The following APC2 variants were observed in gnomAD, a reference collection of about 807,000 sequenced individuals.
The protein encoded by APC2 is APC regulator of Wnt signaling pathway 2, also known as adenomatous polyposis coli protein 2.
APC2 carries 41 observed loss-of-function variants against 72.5 expected under a neutral mutation model. The ratio of observed to expected loss-of-function variants is 0.57; its 90% confidence interval spans 0.44 to 0.73. APC2 has a LOEUF of 0.73. Among genes scored for constraint, APC2 ranks in the 30% least tolerant of loss-of-function variants. APC2 has a pLI of 0.00. For synonymous variants in APC2, 1,898 were observed against 1,612.0 expected, an observed-to-expected ratio of 1.18 and a Z score of -4.25; for missense variants, 3,729 against 3,403.4, an observed-to-expected ratio of 1.10 and a Z score of -2.38.
upstream of APC2, among the ~76,000 whole-genome samples, chr19:1,448,033 C>T (rs1021088516): frequency 6.6e-6 from 1 of 152,094 alleles, no homozygotes; most frequent in Non-Finnish European, 1.5e-5. Flanking sequence ...GACTGGAAAC[C>T]GAGGCCAGAG....
Position 1,470,466 on chromosome 19 carries a change from G to A in APC2, c.*253G>A. The A allele has an allele frequency of 7.6e-6, 4 of 524,866 alleles. No homozygotes were observed. The highest frequency in any genetic ancestry group is 9.6e-6 in the Non-Finnish European group (3 of 312,662). The allele number at this position is 524,866 out of a possible 1,614,324, so 32.5% of individuals were successfully genotyped here. On this transcript the variant is annotated 3_prime_UTR_variant, in exon 15 of 15. Coordinates refer to ENST00000590469, the MANE Select transcript of APC2 (RefSeq NM_005883.3). ...CCTCAAGTCCCGACCGTGGAGCGCTGGCAAGGGCGTCCTGGCCCAGCCCTG... is the reference window on the plus strand; with the variant it reads ...CCTCAAGTCCCGACCGTGGAGCGCTAGCAAGGGCGTCCTGGCCCAGCCCTG...
chr19:1,462,182 G>GCGGGGCC lies in APC2; in HGVS notation c.1853+6_1853+7insGGGGCCC. On this transcript the variant is annotated splice_donor_region_variant and intron_variant, in intron 14 of 14. Coordinates refer to ENST00000590469, the MANE Select transcript of APC2 (RefSeq NM_005883.3). The stretch of plus-strand genomic sequence containing the variant: ...CGCCACCCGTGAGGACTACAGGTCG[G>GCGGGGCC]CCCCCACCCCCCCACCCGCACACAG... The GCGGGGCC allele has an allele frequency of 6.5e-7, 1 of 1,535,380 alleles. No homozygotes were observed. Among genetic ancestry groups the GCGGGGCC allele is most frequent in the Non-Finnish European group, 8.8e-7 (1 of 1,139,592 alleles).
chr19:1,465,706 T>C lies in APC2; in HGVS notation c.2405T>C (p.Leu802Pro). 6.3e-7 allele frequency: 1 copy of C among 1,580,216 alleles called. No individual in the cohort carries two copies. The highest frequency in any genetic ancestry group is 1.1e-5 in the South Asian group (1 of 87,234). ...GGGGAGCCAGCCAGCCCTGCCGCGC[T>C]GTCCCTCTTCCTGGGCAGCCCCTTC... ...ATGEPASPAALSLFLGSPFLQ... is the reference protein window; with the variant it reads ...ATGEPASPAAPSLFLGSPFLQ... The change falls in exon 15 of 15, where the codon CTG becomes CCG. Residue 802 changes from leucine (L) to proline (P), a missense_variant. Transcript: ENST00000590469.
intron 4 of APC2, among the ~76,000 whole-genome samples, chr19:1,454,752 A>G (rs1048216698): frequency 1.6e-4 from 25 of 152,142 alleles, no homozygotes; most frequent in African/African-American, 6.0e-4. Context: ...TATTGTTAGC[A>G]GAGACGGGGT....
At chr19:1,453,187 GC>G (rs765282564) in intron 2 of APC2, 45 bp downstream of exon 2, 1 of 1,571,144 alleles carries the variant, frequency 6.4e-7, no homozygotes, top group Non-Finnish European at 8.6e-7. Context: ...CCGGGGTGGT[GC>G]CCCCCGGCAG....
Position 1,461,019 on chromosome 19 carries a change from G to A in APC2, c.1522-18G>A, listed in dbSNP as rs1568173481. 2 of 1,613,200 alleles carry A rather than the reference G, an allele frequency of 1.2e-6. No individual in the cohort carries two copies. Among genetic ancestry groups the A allele is most frequent in the Non-Finnish European group, 8.5e-7 (1 of 1,179,466 alleles). On this transcript the variant is annotated intron_variant, in intron 12 of 14. Transcript: ENST00000590469. ...CCTGGACCCTAGTCCCACCACACTT[G>A]CCCCTCACCCCACCCAGGTGGTGTC... is the stretch of plus-strand genomic sequence containing the variant.
At chr19:1,460,918 C>T in intron 12 of APC2, 61 bp downstream of exon 12, 2 of 1,600,606 alleles carry the variant, frequency 1.2e-6, no homozygotes, top group East Asian at 2.2e-5. Flanking sequence ...AGGCCCCTCC[C>T]CAGCGGTGTG....
rs1306585160 is a variant in APC2, at chr19:1,467,284, C to T, written c.3983C>T (p.Thr1328Met). The change falls in exon 15 of 15, where the codon ACG becomes ATG. Residue 1328 changes from threonine to methionine, a missense_variant. By Grantham distance (81) the Thr-to-Met change is moderately conservative. Coordinates refer to ENST00000590469, the MANE Select transcript of APC2 (RefSeq NM_005883.3). Reference protein sequence around the residue: ...HRRREEGPAPTGSRPRGAADQ... With the variant: ...HRRREEGPAPMGSRPRGAADQ... ...CGGCGGGAGGAGGGGCCGGCGCCCA[C>T]GGGTTCTCGCCCTCGCGGCGCCGCG... The T allele has an allele frequency of 1.9e-5, 25 of 1,314,834 alleles. No individual in the cohort carries two copies. The highest frequency in any genetic ancestry group is 2.1e-5 in the Non-Finnish European group (22 of 1,036,956). 81.4% of individuals were successfully genotyped at this position (1,314,834 alleles called of 1,614,324 possible). A position where few individuals can be genotyped will look rare whatever the true frequency, so the allele number is the denominator to read the frequency against.
In APC2 at chr19:1,453,249, G is replaced by A; in HGVS notation, c.144G>A (p.Glu48=). 6.4e-7 allele frequency: 1 copy of A among 1,562,428 alleles called. No homozygotes were observed. Among genetic ancestry groups the A allele is most frequent in the Non-Finnish European group, 8.7e-7 (1 of 1,153,396 alleles). The change falls in exon 3 of 15, where the codon GAG becomes GAA. Residue 48 remains glutamate (E), a splice_region_variant and synonymous_variant. Transcript: ENST00000590469. The part of the protein sequence containing the change: ...KLETETSGMK[E]VLKHLQGKLE... ...CGCCCTCTTTCCCGCCCCTGCAGGAGGTCCTGAAGCACCTACAGGGAAAAC... is the reference window on the plus strand; with the variant it reads ...CGCCCTCTTTCCCGCCCCTGCAGGAAGTCCTGAAGCACCTACAGGGAAAAC...
At position 1,465,485 on chromosome 19, in the gene APC2, C is replaced by T. The variant is rs370502669; in HGVS notation, c.2184C>T (p.Ala728=). The T allele has an allele frequency of 4.2e-4, 643 of 1,527,014 alleles. 7 individuals carry two copies. The South Asian group carries it at 7.1e-3, about 17-fold the overall frequency. 94.6% of individuals were successfully genotyped at this position (1,527,014 alleles called of 1,614,324 possible). Residue 728 remains alanine, a synonymous_variant, in exon 15 of 15, where the codon GCC becomes GCT. Coordinates refer to ENST00000590469, the MANE Select transcript of APC2 (RefSeq NM_005883.3). ...TGCGCAAGCAGCGGGCGCTGGAGGC[C>T]GAGCTGGACGCACGGCACCTCGCGC... ...LYVRKQRALE[A]ELDARHLAQA...
chr19:1,467,473 A>C lies in APC2; in HGVS notation c.4172A>C (p.Asp1391Ala), dbSNP rs2145244626. The change falls in exon 15 of 15, where the codon GAC becomes GCC. Residue 1391 changes from aspartate to alanine, a missense_variant. Transcript: ENST00000590469. ...APAQEDDSCT[D>A]SAEGTPVNFS... ...GCCCAGGAGGACGACTCCTGCACTG[A>C]CTCCGCGGAGGGCACGCCGGTCAAC... is the stretch of plus-strand genomic sequence containing the variant. The C allele has an allele frequency of 6.9e-7, 1 of 1,456,342 alleles. No homozygotes were observed. Among genetic ancestry groups the C allele is most frequent in the Admixed American group, 2.4e-5 (1 of 41,102 alleles). 90.2% of individuals were successfully genotyped at this position (1,456,342 alleles called of 1,614,324 possible).
Position 1,470,361 on chromosome 19 carries a change from C to T in APC2, c.*148C>T, listed in dbSNP as rs1187068391. The T allele has an allele frequency of 7.8e-6, 9 of 1,159,602 alleles. No individual in the cohort carries two copies. Among genetic ancestry groups the T allele is most frequent in the Non-Finnish European group, 1.0e-5 (9 of 866,026 alleles). The allele number at this position is 1,159,602 out of a possible 1,614,324, so 71.8% of individuals were successfully genotyped here. A position where few individuals can be genotyped will look rare whatever the true frequency, so the allele number is the denominator to read the frequency against. ...CACCACTCTCAGAACCCCCGCCCAG[C>T]GCACGGCGACCTCGCGCCTCACCGG... is the stretch of plus-strand genomic sequence containing the variant. On this transcript the variant is annotated 3_prime_UTR_variant, in exon 15 of 15. Coordinates refer to ENST00000590469, the MANE Select transcript of APC2 (RefSeq NM_005883.3).
chr19:1,448,221 A>G (rs1441220054), upstream of APC2, among the ~76,000 whole-genome samples: 4 of 151,950 alleles, frequency 2.6e-5, no homozygotes, highest in Non-Finnish European at 5.9e-5. Context: ...CCAAGCATGC[A>G]TTGATCTTCC....
At position 1,469,730 on chromosome 19, in the gene APC2, C is replaced by G. The variant is rs1471647627; in HGVS notation, c.6429C>G (p.Gly2143=). 24 of 1,469,770 alleles carry G rather than the reference C, an allele frequency of 1.6e-5. No individual in the cohort carries two copies. The highest frequency in any genetic ancestry group is 2.1e-5 in the Non-Finnish European group (23 of 1,118,414). 91.0% of individuals were successfully genotyped at this position (1,469,770 alleles called of 1,614,324 possible). ...CGCTCCCCAGGGTGGCCGCGCCGGG[C>G]ACGACCTGGCGGCGCATCCGAGATG... The part of the protein sequence containing the change: ...PRPLPRVAAP[G]TTWRRIRDED... The change falls in exon 15 of 15, where the codon GGC becomes GGG. Residue 2143 remains glycine, a synonymous_variant. Coordinates refer to ENST00000590469, the MANE Select transcript of APC2 (RefSeq NM_005883.3).
rs1234198350 is a variant in APC2, at chr19:1,469,451, C to A, written c.6150C>A (p.Pro2050=). ...GCTGCGAAGAGCTCCGAGCGGCACCCCGGCAGGGCCCGGCCCCGGCCCGGC... is the reference window on the plus strand; with the variant it reads ...GCTGCGAAGAGCTCCGAGCGGCACCACGGCAGGGCCCGGCCCCGGCCCGGC... ...SSRCEELRAA[P]RQGPAPARQR... is the part of the protein sequence containing the mutation. Residue 2050 remains proline, a synonymous_variant, in exon 15 of 15, where the codon CCC becomes CCA. Coordinates refer to ENST00000590469, the MANE Select transcript of APC2 (RefSeq NM_005883.3). 1 of 1,145,156 alleles carries A rather than the reference C, an allele frequency of 8.7e-7. No individual in the cohort carries two copies. The highest frequency in any genetic ancestry group is 3.5e-5 in the South Asian group (1 of 28,806). The allele number at this position is 1,145,156 out of a possible 1,614,324, so 70.9% of individuals were successfully genotyped here. A position where few individuals can be genotyped will look rare whatever the true frequency, so the allele number is the denominator to read the frequency against.
In APC2 at chr19:1,466,023, C is replaced by A; in HGVS notation, c.2722C>A (p.Arg908=). ...GGGCGGGCGGCGAGAGGCAGGAAGCCGGGCGCACCCGCTGCTGCGGCTCAA... is the reference window on the plus strand; with the variant it reads ...GGGCGGGCGGCGAGAGGCAGGAAGCAGGGCGCACCCGCTGCTGCGGCTCAA... ...PEGGRREAGS[R]AHPLLRLKAA... Residue 908 remains arginine, a synonymous_variant, in exon 15 of 15, where the codon CGG becomes AGG. Coordinates refer to ENST00000590469, the MANE Select transcript of APC2 (RefSeq NM_005883.3). 6.7e-7 allele frequency: 1 copy of A among 1,492,456 alleles called. No individual in the cohort carries two copies. The highest frequency in any genetic ancestry group is 8.8e-7 in the Non-Finnish European group (1 of 1,130,720). 92.5% of individuals were successfully genotyped at this position (1,492,456 alleles called of 1,614,324 possible).
chr19:1,458,419 A>G (rs2083872597), intron 10 of APC2: 1 of 234,856 alleles, frequency 4.3e-6, no homozygotes, highest in African/African-American at 2.3e-5. Flanking sequence ...ACATTGCAAC[A>G]TCTTCTCTTT....
chr19:1,457,699 T>G, intron 9 of APC2: 1 of 549,056 alleles, frequency 1.8e-6, no homozygotes, highest in East Asian at 3.2e-5. Flanking sequence ...CCCTGTCTCG[T>G]CAGTTTTATT....
chr19:1,457,200 G>A lies in APC2; in HGVS notation c.1164G>A (p.Leu388=). The change falls in exon 9 of 15, where the codon CTG becomes CTA. Residue 388 remains leucine (L), a synonymous_variant. Transcript: ENST00000590469. ...ACTGCGAGACCTGCTGGGACTGGCT[G>A]CAGGCCCGAGACGGCGGGCCCGAGG... ...RAYCETCWDW[L]QARDGGPEGG... is the part of the protein sequence containing the mutation. 6.4e-7 allele frequency: 1 copy of A among 1,556,678 alleles called. No individual in the cohort carries two copies. The highest frequency in any genetic ancestry group is 1.9e-5 in the Admixed American group (1 of 52,182).
Sources: gnomAD v4.1 joint callset for allele counts (sites outside exome capture counted in the v4.1 genomes callset) on GRCh38, gnomAD v4.1.1 for gene constraint, MANE v1.5 for transcripts, NCBI Gene and HGNC (gene_info 2026-07-23, HGNC 2026-07-21) for gene names.